ADAMTS17: variants seen among roughly 807,000 people sequenced by gnomAD.
ADAMTS17 encodes A disintegrin and metalloproteinase with thrombospondin motifs 17.
ADAMTS17 carries 113 observed loss-of-function variants against 141.5 expected under a neutral mutation model. The ratio of observed to expected loss-of-function variants is 0.80; its 90% CI spans 0.69 to 0.93. The LOEUF (loss-of-function observed/expected upper bound fraction) is 0.93. ADAMTS17 is among the 40% of genes least tolerant of loss of function. The pLI is 0.00. For synonymous variants in ADAMTS17, 768 were observed against 630.6 expected, an observed-to-expected ratio of 1.22 and a Z score of -3.27; for missense variants, 1,659 against 1,517.9, an observed-to-expected ratio of 1.09 and a Z score of -1.54.
chr15:100,030,345 A>G (rs145299416), intron 18 of ADAMTS17, among the ~76,000 whole-genome samples: 251 of 152,254 alleles, frequency 1.6e-3, no homozygotes, highest in African/African-American at 5.7e-3. Flanking sequence ...ATGTACTTCA[A>G]TTTCATCAGG....
chr15:100,258,603 G>C (rs899479581), intron 6 of ADAMTS17, among the ~76,000 whole-genome samples: 20 of 152,186 alleles, frequency 1.3e-4, no homozygotes, highest in African/African-American at 4.8e-4. Flanking sequence ...ATCAGATCTT[G>C]TGAGACTTCT....
chr15:100,272,083 T>C (rs2043933430), intron 4 of ADAMTS17, among the ~76,000 whole-genome samples: 1 of 152,232 alleles, frequency 6.6e-6, no homozygotes, highest in Non-Finnish European at 1.5e-5. Context: ...TTTGTCTTTA[T>C]GTCAGTAAAG....
intron 3 of ADAMTS17, among the ~76,000 whole-genome samples, chr15:100,297,495 T>C (rs2044865655): frequency 6.6e-6 from 1 of 151,992 alleles, no homozygotes; most frequent in Non-Finnish European, 1.5e-5. Flanking sequence ...AGCAAATAGA[T>C]TCAGGAGGGA....
rs144984156 is a variant in ADAMTS17 at position 100,161,020 on chromosome 15, G to A, written c.1182-5700C>T. Among the ~76,000 whole-genome samples the A allele has an allele frequency of 1.8e-3, 268 of 152,342 alleles. 7 individuals are homozygous for A. In the East Asian group the frequency reaches 0.045, roughly 25 times the overall value. On this transcript the variant is annotated intron_variant, in intron 8 of 21. Coordinates refer to ENST00000268070, the MANE Select transcript of ADAMTS17 (RefSeq NM_139057.4). ...ATTTAACGAAAACGTGTGGCATTAA[G>A]TATGCCCAGTAATTTTAACTTTCAG...
chr15:100,074,841 AT>A (rs2034254397), intron 15 of ADAMTS17, among the ~76,000 whole-genome samples: 1 of 152,116 alleles, frequency 6.6e-6, no homozygotes, highest in Non-Finnish European at 1.5e-5. Flanking sequence ...TTTTAAACTT[AT>A]TTACAGAACC....
At chr15:100,197,670 T>C (rs1233766163) in intron 8 of ADAMTS17, among the ~76,000 whole-genome samples, 1 of 152,166 alleles carries the variant, frequency 6.6e-6, no homozygotes. Flanking sequence ...GTCAGTATCA[T>C]GGGATTTCCT....
At chr15:100,334,458 G>T (rs916326733) in intron 2 of ADAMTS17, among the ~76,000 whole-genome samples, 1 of 152,172 alleles carries the variant, frequency 6.6e-6, no homozygotes, top group African/African-American at 2.4e-5. Flanking sequence ...TAGGGCCAAC[G>T]GGGTGGTGAG....
At chr15:100,229,530 T>C (rs2042412174) in intron 7 of ADAMTS17, among the ~76,000 whole-genome samples, 1 of 152,152 alleles carries the variant, frequency 6.6e-6, no homozygotes, top group African/African-American at 2.4e-5. Flanking sequence ...CAGGAAGTCT[T>C]CTCTCTGGAC....
chr15:100,139,967 T>C (rs888552591), intron 10 of ADAMTS17, among the ~76,000 whole-genome samples: 3 of 152,152 alleles, frequency 2.0e-5, no homozygotes, highest in African/African-American at 7.2e-5. Context: ...ATTATGGTTC[T>C]ACGGGCATGT....
chr15:100,053,243 C>T (rs562200918), intron 16 of ADAMTS17, among the ~76,000 whole-genome samples: 1 of 152,262 alleles, frequency 6.6e-6, no homozygotes, highest in Non-Finnish European at 1.5e-5. Context: ...CCCTGGAGAT[C>T]TCTGACATGT....
rs1320702399 is a variant in ADAMTS17, at chr15:99,993,267, C to G, written c.2797-67G>C. ...ATTCAAGTCCATCAACAGCTATTAA[C>G]TCCCTCCAATGTGCCAGGTGCGGTG... is the stretch of plus-strand genomic sequence containing the variant. On this transcript the variant is annotated intron_variant, in intron 19 of 21. Transcript: ENST00000268070. This position sits in a 1 kb window ranked among gnomAD's most constrained non-coding sequence, Gnocchi z 4.3. The G allele has an allele frequency of 6.2e-7, 1 of 1,601,486 alleles. No individual in the cohort carries two copies. Among genetic ancestry groups the G allele is most frequent in the African/African-American group, 1.3e-5 (1 of 74,736 alleles).
intron 3 of ADAMTS17, among the ~76,000 whole-genome samples, chr15:100,296,578 GGGGTGTGTGT>G (rs1483677168): frequency 3.9e-5 from 5 of 127,612 alleles, no homozygotes; most frequent in African/African-American, 1.4e-4. Context: ...GGGGTGAGGG[GGGGTGTGTGT>G]GTGTGTGTGT....
chr15:100,293,114 T>C (rs1202097042), intron 3 of ADAMTS17, among the ~76,000 whole-genome samples: 3 of 152,208 alleles, frequency 2.0e-5, no homozygotes, highest in Non-Finnish European at 4.4e-5. Flanking sequence ...GTTCAATCTG[T>C]GTGTTCCAAG....
chr15:100,141,901 G>C (rs530809872), intron 10 of ADAMTS17, among the ~76,000 whole-genome samples: 1 of 152,376 alleles, frequency 6.6e-6, no homozygotes, highest in East Asian at 1.9e-4. Flanking sequence ...AGCCTGGCAT[G>C]CAAGTCCACG....
At chr15:100,306,768 C>T (rs2045241451) in intron 3 of ADAMTS17, among the ~76,000 whole-genome samples, 2 of 152,146 alleles carry the variant, frequency 1.3e-5, no homozygotes, top group South Asian at 4.1e-4. Flanking sequence ...ACCCTTATGC[C>T]CTGCTGTGCT....
chr15:100,214,178 ACCGTCTCCC>A (rs2041897102), intron 7 of ADAMTS17, among the ~76,000 whole-genome samples: 1 of 151,918 alleles, frequency 6.6e-6, no homozygotes, highest in Non-Finnish European at 1.5e-5. Context: ...CCCCAACCCC[ACCGTCTCCC>A]CCTTCAGCCA....
chr15:100,030,492 G>T (rs2170281), intron 18 of ADAMTS17, among the ~76,000 whole-genome samples: 15,842 of 152,136 alleles, frequency 0.1, 2,173 homozygotes, highest in African/African-American at 0.32. Context: ...TCTGTAATGA[G>T]CCACCTGGGC....
At chr15:100,048,253 GATTC>G (rs1300562193) in intron 18 of ADAMTS17, among the ~76,000 whole-genome samples, 1 of 152,158 alleles carries the variant, frequency 6.6e-6, no homozygotes, top group Non-Finnish European at 1.5e-5. Context: ...CAACGTAATG[GATTC>G]ATTATTAAAG....
chr15:100,282,340 C>G (rs924787313), intron 3 of ADAMTS17, among the ~76,000 whole-genome samples: 1 of 152,228 alleles, frequency 6.6e-6, no homozygotes. Context: ...AGGACCAAAA[C>G]TGGATACAGC....
Sources: gnomAD v4.1 joint callset for allele counts (sites outside exome capture counted in the v4.1 genomes callset) on GRCh38, gnomAD v4.1.1 for gene constraint, Gnocchi (gnomAD v3.1) non-coding constraint, MANE v1.5 for transcripts, NCBI Gene and HGNC (gene_info 2026-07-23, HGNC 2026-07-21) for gene names.